Variants in SPMIP7 observed in about 807,000 individuals in gnomAD.
The protein encoded by SPMIP7 is protein SPMIP7.
chr7:50,115,770 T>C, the SPMIP7 span, among the ~76,000 whole-genome samples: 1 of 152,162 alleles, frequency 6.6e-6, no homozygotes, highest in East Asian at 1.9e-4. Context: ...AAAATACAAG[T>C]CATCTACTCA....
chr7:50,123,620 C>T, the SPMIP7 span, among the ~76,000 whole-genome samples: 1 of 149,130 alleles, frequency 6.7e-6, no homozygotes, highest in African/African-American at 2.5e-5. Flanking sequence ...AATGTTTGTA[C>T]ACGTTATGTG....
the SPMIP7 span, among the ~76,000 whole-genome samples, chr7:50,102,478 C>G: frequency 0.025 from 3,747 of 152,242 alleles, 76 homozygotes; most frequent in South Asian, 0.041. Flanking sequence ...GCCAGGGACT[C>G]TGTCTGCTCC....
At chr7:50,103,374 C>T in the SPMIP7 span, among the ~76,000 whole-genome samples, 1 of 152,146 alleles carries the variant, frequency 6.6e-6, no homozygotes, top group Non-Finnish European at 1.5e-5. Flanking sequence ...CTATGCTAGT[C>T]ACCTGCCCAA....
the SPMIP7 span, among the ~76,000 whole-genome samples, chr7:50,116,816 A>G: frequency 2.0e-5 from 3 of 152,312 alleles, no homozygotes; most frequent in Admixed American, 6.5e-5. Flanking sequence ...GGAAAAATTC[A>G]ATATCCTTTT....
At chr7:50,107,746 T>A in the SPMIP7 span, among the ~76,000 whole-genome samples, 1 of 152,108 alleles carries the variant, frequency 6.6e-6, no homozygotes, top group African/African-American at 2.4e-5. Flanking sequence ...CCCTGAGGCA[T>A]CCCCTTACAT....
At chr7:50,100,962 A>G in the SPMIP7 span, among the ~76,000 whole-genome samples, 16 of 151,974 alleles carry the variant, frequency 1.1e-4, no homozygotes, top group South Asian at 1.7e-3. Flanking sequence ...TTTATTTTCC[A>G]GTGTCCCTTC....
the SPMIP7 span, chr7:50,141,480 G>A: frequency 1.2e-6 from 1 of 812,876 alleles, no homozygotes. Context: ...TTTAAACGTG[G>A]CTTTTATTGA....
At chr7:50,148,846 A>G in the SPMIP7 span, among the ~76,000 whole-genome samples, 10 of 152,170 alleles carry the variant, frequency 6.6e-5, no homozygotes, top group Non-Finnish European at 1.3e-4. Flanking sequence ...CTTACTAGTT[A>G]CATTAAAATA....
At chr7:50,156,045 C>T in the SPMIP7 span, among the ~76,000 whole-genome samples, 4 of 152,280 alleles carry the variant, frequency 2.6e-5, no homozygotes, top group East Asian at 5.8e-4. Context: ...CCCCTAACAG[C>T]AGCTCCTGGC....
At chr7:50,107,385 AG>A in the SPMIP7 span, among the ~76,000 whole-genome samples, 943 of 42,058 alleles carry the variant, frequency 0.022, 6 homozygotes, top group Middle Eastern at 0.041. Flanking sequence ...AAAAAAAAAA[AG>A]AAAAGAAAAG....
At chr7:50,139,071 C>A in the SPMIP7 span, among the ~76,000 whole-genome samples, 377 of 152,074 alleles carry the variant, frequency 2.5e-3, 1 homozygote, top group African/African-American at 8.4e-3. Context: ...ACATTATTGA[C>A]CAGGTGTGGG....
At chr7:50,112,673 A>G in the SPMIP7 span, among the ~76,000 whole-genome samples, 1 of 152,156 alleles carries the variant, frequency 6.6e-6, no homozygotes, top group Non-Finnish European at 1.5e-5. Context: ...AAGGACTGGG[A>G]TCTCTAAAGA....
At chr7:50,102,161 TA>T in the SPMIP7 span, among the ~76,000 whole-genome samples, 4 of 152,194 alleles carry the variant, frequency 2.6e-5, no homozygotes, top group Admixed American at 2.6e-4. Flanking sequence ...CCGTCTCTAC[TA>T]AAAGTACAAA....
chr7:50,117,661 T>C, the SPMIP7 span, among the ~76,000 whole-genome samples: 1 of 152,236 alleles, frequency 6.6e-6, no homozygotes. Context: ...CCTGAGTTGA[T>C]ACTTTTTGTT....
the SPMIP7 span, among the ~76,000 whole-genome samples, chr7:50,126,975 C>T: frequency 6.6e-6 from 1 of 151,944 alleles, no homozygotes; most frequent in Non-Finnish European, 1.5e-5. Flanking sequence ...AACAAGAAAG[C>T]TAGAGACATC....
At chr7:50,123,883 C>A in the SPMIP7 span, among the ~76,000 whole-genome samples, 1 of 151,972 alleles carries the variant, frequency 6.6e-6, no homozygotes, top group African/African-American at 2.4e-5. Flanking sequence ...CCAAATATAT[C>A]ATAATTACAT....
the SPMIP7 span, among the ~76,000 whole-genome samples, chr7:50,108,434 A>AT: frequency 6.6e-6 from 1 of 152,214 alleles, no homozygotes; most frequent in Non-Finnish European, 1.5e-5. Context: ...GAGATGCTAT[A>AT]TTAGAGAAAA....
At chr7:50,139,640 G>A in the SPMIP7 span, among the ~76,000 whole-genome samples, 1 of 152,152 alleles carries the variant, frequency 6.6e-6, no homozygotes, top group South Asian at 2.1e-4. Flanking sequence ...GGGTTAGTCA[G>A]CACTGCCACA....
chr7:50,130,525 G>T, the SPMIP7 span, among the ~76,000 whole-genome samples: 769 of 152,264 alleles, frequency 5.1e-3, 4 homozygotes, highest in Non-Finnish European at 8.9e-3. Flanking sequence ...TTCAAGGTCA[G>T]ATTTGGGTGG....
Sources: allele counts gnomAD v4.1 joint callset (sites outside exome capture counted in the v4.1 genomes callset), GRCh38; gene constraint gnomAD v4.1.1; transcripts MANE v1.5; gene names NCBI Gene and HGNC (gene_info 2026-07-23, HGNC 2026-07-21).